D2HGDH: variants seen among roughly 807,000 people sequenced by gnomAD.
D2HGDH encodes D-2-hydroxyglutarate dehydrogenase, mitochondrial.
D2HGDH carries 31 observed loss-of-function variants against 46.9 expected under a neutral mutation model. That is an observed-to-expected ratio of 0.66 (90% CI 0.50 to 0.89). D2HGDH has a LOEUF of 0.89. D2HGDH is among the 40% of genes least tolerant of loss of function. The pLI, the probability that D2HGDH is intolerant of heterozygous loss-of-function variation, is 0.00. For missense variants in D2HGDH, 698 were observed against 720.8 expected (o/e 0.97, Z 0.36); for synonymous variants, 364 against 332.6 (o/e 1.09, Z -1.03).
intron 2 of D2HGDH, chr2:241,735,832 G>C: frequency 2.6e-6 from 1 of 389,430 alleles, no homozygotes; most frequent in East Asian, 5.7e-5. Context: ...GCGCGACGTC[G>C]GCTCACTGCC....
At chr2:241,738,477 G>A (rs1559344683) in intron 2 of D2HGDH, among the ~76,000 whole-genome samples, 1 of 152,232 alleles carries the variant, frequency 6.6e-6, no homozygotes, top group East Asian at 1.9e-4. Context: ...CGTGCTCCCA[G>A]CCTGCTCGGA....
At chr2:241,763,783 G>A (rs546181505) in intron 9 of D2HGDH, among the ~76,000 whole-genome samples, 133 of 152,234 alleles carry the variant, frequency 8.7e-4, no homozygotes, top group African/African-American at 2.8e-3. Context: ...TAATCTCAGC[G>A]CTTTGGGAAG....
At chr2:241,764,771 A>G (rs1699132250) in intron 9 of D2HGDH, among the ~76,000 whole-genome samples, 1 of 152,210 alleles carries the variant, frequency 6.6e-6, no homozygotes, top group Admixed American at 6.5e-5. Flanking sequence ...CTCGGTGTGC[A>G]GCTCTGCGTT....
intron 9 of D2HGDH, among the ~76,000 whole-genome samples, chr2:241,763,412 G>A (rs1016721604): frequency 6.6e-6 from 1 of 152,148 alleles, no homozygotes; most frequent in Non-Finnish European, 1.5e-5. Flanking sequence ...TAAAAGTATG[G>A]TATAAAAGGT....
intron 2 of D2HGDH, among the ~76,000 whole-genome samples, chr2:241,740,225 G>T (rs1694065430): frequency 6.6e-6 from 1 of 152,148 alleles, no homozygotes; most frequent in Admixed American, 6.5e-5. Context: ...AACTGATTTG[G>T]TCTAGGATAA....
At chr2:241,762,597 C>T (rs1698928957) in intron 9 of D2HGDH, among the ~76,000 whole-genome samples, 2 of 152,142 alleles carry the variant, frequency 1.3e-5, no homozygotes, top group African/African-American at 2.4e-5. Context: ...CCTCTGTTCT[C>T]CTCTTGGAAC....
At chr2:241,735,736 C>CT (rs1023751420) in intron 2 of D2HGDH, among the ~76,000 whole-genome samples, 6 of 151,984 alleles carry the variant, frequency 3.9e-5, no homozygotes, top group Non-Finnish European at 7.4e-5. Flanking sequence ...TTTGTTTTTT[C>CT]TTTTTTTTAA....
chr2:241,759,138 G>A (rs150320864), intron 9 of D2HGDH, among the ~76,000 whole-genome samples: 6 of 152,210 alleles, frequency 3.9e-5, no homozygotes, highest in Admixed American at 2.0e-4. Context: ...ATCAGCCTTC[G>A]TAACTGTGGA....
rs756657711 is a variant in D2HGDH at position 241,741,085 on chromosome 2, C to A, written c.345C>A (p.Ile115=). The change falls in exon 3 of 10, where the codon ATC becomes ATA. Residue 115 remains isoleucine (I), a synonymous_variant. Transcript: ENST00000321264. ...RPRTSEEVSH[I]LRHCHERNLA... ...GGACGTCGGAGGAGGTGTCCCACAT[C>A]CTCAGGTGAGGTGGTGGCTCCCGGC... The A allele has an allele frequency of 1.2e-6, 2 of 1,613,794 alleles. No individual in the cohort carries two copies. Among genetic ancestry groups the A allele is most frequent in the Non-Finnish European group, 1.7e-6 (2 of 1,179,928 alleles).
At position 241,743,898 on chromosome 2, in the gene D2HGDH, T is replaced by A; in HGVS notation, c.684+83T>A. ...TCATGGGCCCACGTGGTGGCACAGG[T>A]GCATGGGGCCCCTCGGGGTGGGAGG... On this transcript the variant is annotated intron_variant, in intron 5 of 9. Coordinates refer to ENST00000321264, the MANE Select transcript of D2HGDH (RefSeq NM_152783.5). This position sits in a 1 kb window ranked among gnomAD's most constrained non-coding sequence, Gnocchi z 4.8. The A allele has an allele frequency of 6.7e-7, 1 of 1,496,834 alleles. No individual in the cohort carries two copies. The highest frequency in any genetic ancestry group is 9.1e-7 in the Non-Finnish European group (1 of 1,103,490). 92.7% of individuals were successfully genotyped at this position (1,496,834 alleles called of 1,614,324 possible). A position where few individuals can be genotyped will look rare whatever the true frequency, so the allele number is the denominator to read the frequency against.
Position 241,767,988 on chromosome 2 carries a change from C to CT in D2HGDH, c.*19_*20insT. The CT allele has an allele frequency of 6.3e-7, 1 of 1,575,634 alleles. No individual in the cohort carries two copies. Among genetic ancestry groups the CT allele is most frequent in the Non-Finnish European group, 8.6e-7 (1 of 1,166,098 alleles). On this transcript the variant is annotated 3_prime_UTR_variant, in exon 10 of 10. Transcript: ENST00000321264. Reference sequence around the variant, plus strand: ...GGCCTGACGGCCACTCCTGCTGCTGCCAAGGCCCACTGGGGGTCGGCGGGT... The same window carrying CT: ...GGCCTGACGGCCACTCCTGCTGCTGCTCAAGGCCCACTGGGGGTCGGCGGGT...
intron 7 of D2HGDH, 53 bp downstream of exon 7, chr2:241,750,347 CTG>C: frequency 7.4e-7 from 1 of 1,347,824 alleles, no homozygotes; most frequent in Non-Finnish European, 9.8e-7. Context: ...TTCTGCACGT[CTG>C]GACACATGGG....
chr2:241,735,586 A>C, intron 2 of D2HGDH, 70 bp downstream of exon 2: 1 of 1,582,860 alleles, frequency 6.3e-7, no homozygotes, highest in Non-Finnish European at 8.5e-7. Flanking sequence ...TGGAGGCTTC[A>C]AAGCGGGCTG....
At chr2:241,767,620 G>C in intron 9 of D2HGDH, 90 bp from the exon 10 acceptor site, 1 of 1,584,714 alleles carries the variant, frequency 6.3e-7, no homozygotes, top group Non-Finnish European at 8.6e-7. Context: ...GGGTTGCTGG[G>C]GAGGGGATCT....
chr2:241,755,544 G>A (rs775569543), intron 8 of D2HGDH: 77 of 1,401,092 alleles, frequency 5.5e-5, no homozygotes, highest in Non-Finnish European at 6.3e-5. Flanking sequence ...CCTGATTGCC[G>A]GAGTCCCAGG....
Position 241,742,689 on chromosome 2 carries a change from C to T in D2HGDH, c.490+115C>T, listed in dbSNP as rs547998612. On this transcript the variant is annotated intron_variant, in intron 4 of 9. Transcript: ENST00000321264. The surrounding 1 kb of genome is among the most constrained non-coding windows in gnomAD (Gnocchi z 4.8). Reference sequence around the variant, plus strand: ...GGGTGGGTGAATGAGTTAGGGCCGGCGCTGGGGAAAGAACCAGCGTCTGTA... The same window carrying T: ...GGGTGGGTGAATGAGTTAGGGCCGGTGCTGGGGAAAGAACCAGCGTCTGTA... The T allele has an allele frequency of 7.3e-6, 10 of 1,376,098 alleles. No individual in the cohort carries two copies. The highest frequency in any genetic ancestry group is 5.7e-5 in the African/African-American group (4 of 69,814). The allele number at this position is 1,376,098 out of a possible 1,614,324, so 85.2% of individuals were successfully genotyped here. A position where few individuals can be genotyped will look rare whatever the true frequency, so the allele number is the denominator to read the frequency against.
At position 241,744,832 on chromosome 2, in the gene D2HGDH, A is replaced by T; in HGVS notation, c.808A>T (p.Ile270Phe). ...GTLGIITTVS[I>F]LCPPKPRAVN... ...TTTGGGGATCATCACCACGGTGTCC[A>T]TCTTGTGTCCACCCAAGCCCAGGGC... The change falls in exon 6 of 10, where the codon ATC becomes TTC. Residue 270 changes from isoleucine to phenylalanine, a missense_variant. Coordinates refer to ENST00000321264, the MANE Select transcript of D2HGDH (RefSeq NM_152783.5). 1 of 1,613,998 alleles carries T rather than the reference A, an allele frequency of 6.2e-7. No homozygotes were observed. The highest frequency in any genetic ancestry group is 8.5e-7 in the Non-Finnish European group (1 of 1,179,978).
chr2:241,749,350 T>G, intron 6 of D2HGDH: 1 of 1,287,852 alleles, frequency 7.8e-7, no homozygotes. Flanking sequence ...GGAAAATTCT[T>G]CTCTGATATC....
At chr2:241,764,856 C>T (rs1406201468) in intron 9 of D2HGDH, among the ~76,000 whole-genome samples, 3 of 152,202 alleles carry the variant, frequency 2.0e-5, no homozygotes, top group African/African-American at 7.2e-5. Context: ...GGAGGTGGGG[C>T]GGGGTCCTCA....
Sources: allele counts gnomAD v4.1 joint callset (sites outside exome capture counted in the v4.1 genomes callset), GRCh38; gene constraint gnomAD v4.1.1; non-coding constraint Gnocchi (gnomAD v3.1); transcripts MANE v1.5; gene names NCBI Gene and HGNC (gene_info 2026-07-23, HGNC 2026-07-21).